The following SNX3 variants were observed in gnomAD, a reference collection of about 807,000 sequenced individuals.
SNX3 encodes the protein sorting nexin-3.
A neutral mutation model predicts 17.7 loss-of-function variants in SNX3; 5 were observed. That is an observed-to-expected ratio of 0.28 (90% CI 0.15 to 0.59). SNX3 has a LOEUF of 0.59. Ranked by LOEUF, SNX3 falls within the 20% of genes least tolerant of loss-of-function variation. SNX3 has a pLI of 0.88. For missense variants in SNX3, 132 were observed against 206.8 expected (o/e 0.64, Z 2.22); for synonymous variants, 91 against 76.5 (o/e 1.19, Z -0.99).
intron 1 of SNX3, among the ~76,000 whole-genome samples, chr6:108,234,364 C>A (rs1057289183): frequency 2.6e-5 from 4 of 152,022 alleles, no homozygotes; most frequent in Non-Finnish European, 4.4e-5. Flanking sequence ...ACCAGCCTGG[C>A]CAATATGGCA....
At chr6:108,238,117 A>AAAAC (rs1554262373) in intron 1 of SNX3, among the ~76,000 whole-genome samples, 2 of 151,100 alleles carry the variant, frequency 1.3e-5, no homozygotes, top group African/African-American at 4.9e-5. Context: ...AAAAAAAAAA[A>AAAAC]AAACAAACAA....
chr6:108,240,223 T>C (rs1483360516), intron 1 of SNX3, among the ~76,000 whole-genome samples: 3 of 152,158 alleles, frequency 2.0e-5, no homozygotes, highest in Non-Finnish European at 4.4e-5. Flanking sequence ...GGTTTGTTTT[T>C]GTTTTTGTTT....
chr6:108,240,539 C>G (rs1250663581), intron 1 of SNX3, among the ~76,000 whole-genome samples: 2 of 152,124 alleles, frequency 1.3e-5, no homozygotes, highest in Admixed American at 6.5e-5. Context: ...GTGTTTTAAC[C>G]TAGGGCTATT....
At chr6:108,258,719 G>C (rs1296744305) in intron 1 of SNX3, among the ~76,000 whole-genome samples, 1 of 152,020 alleles carries the variant, frequency 6.6e-6, no homozygotes, top group Non-Finnish European at 1.5e-5. Context: ...GTGTTGCCCA[G>C]GCTGGTCTCA....
chr6:108,245,673 T>C lies in SNX3; in HGVS notation c.162+15087A>G, dbSNP rs544673381. Among the ~76,000 whole-genome samples the C allele has an allele frequency of 7.2e-5, 11 of 152,378 alleles. No homozygotes were observed. In the South Asian group the frequency reaches 1.4e-3, roughly 20 times the overall value. Reference sequence around the variant, plus strand: ...CTAACTGGCGTGAGATGGTATCTCATTGTAGTTTTGATTTGCATCTAATGA... The same window carrying C: ...CTAACTGGCGTGAGATGGTATCTCACTGTAGTTTTGATTTGCATCTAATGA... On this transcript the variant is annotated intron_variant, in intron 1 of 3. Transcript: ENST00000230085.
intron 1 of SNX3, among the ~76,000 whole-genome samples, chr6:108,227,983 T>C (rs1274671536): frequency 1.3e-5 from 2 of 152,068 alleles, no homozygotes; most frequent in African/African-American, 4.8e-5. Flanking sequence ...TGATCATCTA[T>C]AAAAGGGCAC....
intron 1 of SNX3, among the ~76,000 whole-genome samples, chr6:108,260,559 C>T (rs1776159446): frequency 6.6e-6 from 1 of 152,196 alleles, no homozygotes; most frequent in Admixed American, 6.5e-5. Flanking sequence ...CTCCAAGTGC[C>T]AGCGCGCCGG....
intron 1 of SNX3, among the ~76,000 whole-genome samples, chr6:108,258,907 A>G (rs977241435): frequency 6.6e-6 from 1 of 152,248 alleles, no homozygotes; most frequent in African/African-American, 2.4e-5. Context: ...CCCATTTAAT[A>G]TAATGCATTC....
intron 2 of SNX3, chr6:108,222,143 A>G (rs1219590374): frequency 2.6e-6 from 3 of 1,175,128 alleles, no homozygotes; most frequent in Admixed American, 6.5e-5. Context: ...AACAGAAAAA[A>G]AAAGAAAACC....
rs753489451 is a variant in SNX3 at position 108,260,936 on chromosome 6, TGCC to T, written c.-18_-16del. The T allele has an allele frequency of 8.4e-6, 13 of 1,554,672 alleles. No homozygotes were observed. The highest frequency in any genetic ancestry group is 1.0e-5 in the Non-Finnish European group (12 of 1,151,948). The stretch of plus-strand genomic sequence containing the variant: ...GTCTCCGCCATTTCGCTGTAGCTGC[TGCC>T]GCCGCCGCGGGCTCCCTCCGCCCCC... On this transcript the variant is annotated 5_prime_UTR_variant, in exon 1 of 4. Transcript: ENST00000230085.
chr6:108,255,620 G>A (rs939168993), intron 1 of SNX3, among the ~76,000 whole-genome samples: 5 of 152,002 alleles, frequency 3.3e-5, no homozygotes, highest in African/African-American at 1.2e-4. Context: ...CCAAGTGCTG[G>A]GATTACATAC....
At chr6:108,238,101 C>CAAAA (rs11287104) in intron 1 of SNX3, among the ~76,000 whole-genome samples, 93 of 85,292 alleles carry the variant, frequency 1.1e-3, no homozygotes, top group African/African-American at 3.9e-3. Flanking sequence ...GATCCTGTCT[C>CAAAA]AAAAAAAAAA....
rs138530661 is a variant in SNX3 at position 108,244,477 on chromosome 6, A to G, written c.162+16283T>C. ...GCCCCTCCATACTGTTTGTTTCCAT[A>G]TTTATTACTGTGGTAAAATATACAT... On this transcript the variant is annotated intron_variant, in intron 1 of 3. Coordinates refer to ENST00000230085, the MANE Select transcript of SNX3 (RefSeq NM_003795.6). Among the ~76,000 whole-genome samples, 30 of 152,164 alleles carry G rather than the reference A, an allele frequency of 2.0e-4. 1 individual carries two copies. The East Asian group carries it at 3.7e-3, about 19-fold the overall frequency.
Position 108,254,281 on chromosome 6 carries a change from A to G in SNX3, c.162+6479T>C, listed in dbSNP as rs1476929753. On this transcript the variant is annotated intron_variant, in intron 1 of 3. Coordinates refer to ENST00000230085, the MANE Select transcript of SNX3 (RefSeq NM_003795.6). ...CTTGTCTGAGACAAGCCTGGGCAAC[A>G]TGGAGAAACCCTGTCTCTACAAATA... Among the ~76,000 whole-genome samples the G allele has an allele frequency of 5.3e-5, 8 of 151,620 alleles. 1 individual carries two copies. The highest frequency in any genetic ancestry group is 1.9e-4 in the African/African-American group (8 of 41,238).
At chr6:108,254,425 A>G (rs1016126192) in intron 1 of SNX3, among the ~76,000 whole-genome samples, 1 of 152,140 alleles carries the variant, frequency 6.6e-6, no homozygotes, top group Non-Finnish European at 1.5e-5. Flanking sequence ...AGATTGCACC[A>G]CCGTGCACTC....
In SNX3 at chr6:108,226,353, C is replaced by T. The variant is rs547925219; in HGVS notation, c.163-3308G>A. 7.2e-5 allele frequency among the ~76,000 whole-genome samples: 11 copies of T among 152,306 alleles called. No individual in the cohort carries two copies. In the East Asian group the frequency reaches 2.1e-3, roughly 29 times the overall value. ...ACTCCCAAAGTGCTGGGATTACAGG[C>T]ATGAGCCACCGTGCCCAGCCAAAAA... On this transcript the variant is annotated intron_variant, in intron 1 of 3. Coordinates refer to ENST00000230085, the MANE Select transcript of SNX3 (RefSeq NM_003795.6).
At chr6:108,232,690 C>G (rs1284178121) in intron 1 of SNX3, among the ~76,000 whole-genome samples, 1 of 152,206 alleles carries the variant, frequency 6.6e-6, no homozygotes, top group African/African-American at 2.4e-5. Context: ...AGGCCATACT[C>G]TATTCAACCA....
In SNX3 at chr6:108,223,497, CTTTTTT is replaced by C. The variant is rs59920022; in HGVS notation, c.163-458_163-453del. 5.3e-3 allele frequency among the ~76,000 whole-genome samples: 588 copies of C among 110,282 alleles called. 5 individuals carry two copies. The highest frequency in any genetic ancestry group is 0.024 in the African/African-American group (558 of 23,706). 72.3% of individuals were successfully genotyped at this position (110,282 alleles called of 152,430 possible). A position where few individuals can be genotyped will look rare whatever the true frequency, so the allele number is the denominator to read the frequency against. ...ATAACAAAATAAAACTTTGCTAGTT[CTTTTTT>C]TTTTTTTTTTTTTTTTTTTTTTGAG... On this transcript the variant is annotated intron_variant, in intron 1 of 3. Coordinates refer to ENST00000230085, the MANE Select transcript of SNX3 (RefSeq NM_003795.6).
At chr6:108,222,300 T>C (rs981030983) in intron 2 of SNX3, 2 of 1,303,852 alleles carry the variant, frequency 1.5e-6, no homozygotes, top group African/African-American at 1.5e-5. Flanking sequence ...TCCTTGCCTC[T>C]GATGTCATTC....
Sources: allele counts gnomAD v4.1 joint callset (sites outside exome capture counted in the v4.1 genomes callset), GRCh38; gene constraint gnomAD v4.1.1; transcripts MANE v1.5; gene names NCBI Gene and HGNC (gene_info 2026-07-23, HGNC 2026-07-21).